Variants in MUC4 observed in about 807,000 individuals in gnomAD.
The protein encoded by MUC4 is mucin-4.
A neutral mutation model predicts 257.9 loss-of-function variants in MUC4; 202 were observed. The observed-to-expected ratio is 0.78, with a 90% CI of 0.70 to 0.88. MUC4 has a LOEUF of 0.88. Among genes scored for constraint, MUC4 ranks in the 40% least tolerant of loss-of-function variants. The pLI, the probability that MUC4 is intolerant of heterozygous loss-of-function variation, is 0.00. For synonymous variants in MUC4, 2,351 were observed against 2,757.1 expected (o/e 0.85, Z 4.62); for missense variants, 5,976 against 6,513.7 (o/e 0.92, Z 2.84).
In MUC4 at chr3:195,789,848, G is replaced by T; in HGVS notation, c.1732C>A (p.Leu578Ile). The change falls in exon 2 of 25, where the codon CTT becomes ATT. Residue 578 changes from leucine to isoleucine, a missense_variant. Around this residue, in one of 44 missense-constraint regions of MUC4, gnomAD observed 1,583 missense variants for 1,257.4 expected, o/e 1.26. Coordinates refer to ENST00000463781, the MANE Select transcript of MUC4 (RefSeq NM_018406.7). ...ACACTGTAGCTTGGGCTGCTGAGAA[G>T]AGCCTCTCCAGTGGTCCCCGTTTCT... The part of the protein sequence containing the change: ...TQETGTTGEA[L>I]LSSPSYSVTQ... 6.2e-7 allele frequency: 1 copy of T among 1,613,882 alleles called. No individual in the cohort carries two copies. Among genetic ancestry groups the T allele is most frequent in the Non-Finnish European group, 8.5e-7 (1 of 1,179,848 alleles).
At chr3:195,776,012 A>G (rs1384441676) in intron 3 of MUC4, among the ~76,000 whole-genome samples, 1 of 43,950 alleles carries the variant, frequency 2.3e-5, no homozygotes, top group Non-Finnish European at 4.0e-5. Flanking sequence ...TTCCACACCC[A>G]TACCTTCCAC....
In MUC4 at chr3:195,789,271, A is replaced by G; in HGVS notation, c.2309T>C (p.Met770Thr). 6.2e-7 allele frequency: 1 copy of G among 1,613,892 alleles called. No individual in the cohort carries two copies. Residue 770 changes from methionine to threonine, a missense_variant, in exon 2 of 25, where the codon ATG becomes ACG. Physicochemically the swap from Met to Thr is moderately conservative, Grantham distance 81. Around this residue, in one of 44 missense-constraint regions of MUC4, gnomAD observed 1,583 missense variants for 1,257.4 expected, o/e 1.26. Transcript: ENST00000463781. ...ASTSPDTAAA[M>T]THTHQAESTE... is the part of the protein sequence containing the mutation. ...GCTCTCAGCCTGGTGGGTATGGGTCATGGCTGCTGCTGTGTCAGGTGAGGT... is the reference window on the plus strand; with the variant it reads ...GCTCTCAGCCTGGTGGGTATGGGTCGTGGCTGCTGCTGTGTCAGGTGAGGT...
At chr3:195,762,553 C>CGGCCCTGCACCGCAACGCACCG (rs1719317937) in intron 13 of MUC4, among the ~76,000 whole-genome samples, 1 of 133,924 alleles carries the variant, frequency 7.5e-6, no homozygotes, top group Non-Finnish European at 1.5e-5. Context: ...GCAACGCACC[C>CGGCCCTGCACCGCAACGCACCG]GGCCCTGCAC....
In MUC4 at chr3:195,782,440, G is replaced by T. The variant is rs571278267; in HGVS notation, c.9140C>A (p.Ser3047Tyr). ...GTTGGCGTGACCTGTGGATGCTGAG[G>T]AAGTGTCGGTGACAGGAAGCGGGGT... ...HATPLPVTDT[S>Y]SASTGHANPL... The change falls in exon 2 of 25, where the codon TCC (serine) becomes TAC (tyrosine). Residue 3047 changes from serine to tyrosine, a missense_variant. Ser to Tyr is a moderately radical substitution (Grantham distance 144). Coordinates refer to ENST00000463781, the MANE Select transcript of MUC4 (RefSeq NM_018406.7). 7.5e-6 allele frequency: 11 copies of T among 1,465,294 alleles called. No individual in the cohort carries two copies. The African/African-American group carries it at 8.0e-5, about 11-fold the overall frequency. The allele number at this position is 1,465,294 out of a possible 1,614,324, so 90.8% of individuals were successfully genotyped here.
chr3:195,766,880 G>A (rs1447688814), intron 7 of MUC4, 129 bp from the exon 8 acceptor site: 1 of 741,006 alleles, frequency 1.3e-6, no homozygotes, highest in Non-Finnish European at 2.3e-6. Flanking sequence ...TGGGTCAGTG[G>A]GTCAGCCAGC....
At chr3:195,751,627 T>G in intron 21 of MUC4, 1 of 308,968 alleles carries the variant, frequency 3.2e-6, no homozygotes, top group South Asian at 5.2e-5. Context: ...TAGGAGATGG[T>G]CGGGGCTGGG....
In MUC4 at chr3:195,788,980, A is replaced by G. The variant is rs1403576544; in HGVS notation, c.2600T>C (p.Ile867Thr). 1.2e-6 allele frequency: 2 copies of G among 1,613,742 alleles called. No individual in the cohort carries two copies. Among genetic ancestry groups the G allele is most frequent in the South Asian group, 1.1e-5 (1 of 91,072 alleles). The change falls in exon 2 of 25, where the codon ATC becomes ACC. Residue 867 changes from isoleucine to threonine, a missense_variant. Transcript: ENST00000463781. ...IPVSTGMASS[I>T]VPGTFHPTLS... ...GGTGGGATGAAAGGTGCCGGGGACG[A>G]TCGAAGACGCCATTCCTGTGCTTAC...
In MUC4 at chr3:195,790,957, T is replaced by C. The variant is rs1001631018; in HGVS notation, c.623A>G (p.Glu208Gly). The C allele has an allele frequency of 5.6e-6, 9 of 1,613,836 alleles. No individual in the cohort carries two copies. The highest frequency in any genetic ancestry group is 7.6e-6 in the Non-Finnish European group (9 of 1,179,898). ...GTGTGTTAGGGTGCTGGTTTGAGAT[T>C]CCCTGGTGGTCTGCGTGCTCCGAGT... ...HWTRSTQTTR[E>G]SQTSTLTHRT... The change falls in exon 2 of 25, where the codon GAA (glutamate) becomes GGA (glycine). Residue 208 changes from glutamate to glycine, a missense_variant. This residue lies in a region of MUC4 where 1,583 missense variants were observed against 1,257.4 expected (regional missense o/e 1.26). Coordinates refer to ENST00000463781, the MANE Select transcript of MUC4 (RefSeq NM_018406.7).
rs369694352 is a variant in MUC4 at position 195,781,807 on chromosome 3, G to T, written c.9773C>A (p.Ser3258Tyr). The change falls in exon 2 of 25, where the codon TCC becomes TAC. Residue 3258 changes from serine (S) to tyrosine (Y), a missense_variant. Coordinates refer to ENST00000463781, the MANE Select transcript of MUC4 (RefSeq NM_018406.7). ...SLPVTDTSSA[S>Y]TGDTTSLPVT... Reference sequence around the variant, plus strand: ...AGGAAGAGAGGTGGTGTCACCTGTGGATGCTGAGGAAGTGTCGGTGACAGG... The same window carrying T: ...AGGAAGAGAGGTGGTGTCACCTGTGTATGCTGAGGAAGTGTCGGTGACAGG... The T allele has an allele frequency of 3.5e-5, 37 of 1,071,566 alleles. 2 individuals are homozygous for T. Among genetic ancestry groups the T allele is most frequent in the African/African-American group, 1.8e-4 (9 of 49,644 alleles). The allele number at this position is 1,071,566 out of a possible 1,614,324, so 66.4% of individuals were successfully genotyped here.
In MUC4 at chr3:195,782,557, G is replaced by A. The variant is rs1211325247; in HGVS notation, c.9023C>T (p.Ser3008Phe). 638 of 1,045,262 alleles carry A rather than the reference G, an allele frequency of 6.1e-4. 30 individuals are homozygous for A. Among genetic ancestry groups the A allele is most frequent in the African/African-American group, 1.6e-3 (87 of 53,138 alleles). The allele number at this position is 1,045,262 out of a possible 1,614,324, so 64.7% of individuals were successfully genotyped here. Residue 3008 changes from serine (S) to phenylalanine (F), a missense_variant, in exon 2 of 25, where the codon TCT becomes TTT. By Grantham distance (155) the Ser-to-Phe change is radical (BLOSUM62 -2). Coordinates refer to ENST00000463781, the MANE Select transcript of MUC4 (RefSeq NM_018406.7). ...TSSASIGHAT[S>F]LPVTDTSSIS... ...TGAGGAAGTGTCGGTGACAGGAAGA[G>A]AGGTGGCGTGACCTATGGATGCTGA... is the stretch of plus-strand genomic sequence containing the variant.
At position 195,783,068 on chromosome 3, in the gene MUC4, G is replaced by C. The variant is rs201843719; in HGVS notation, c.8512C>G (p.Pro2838Ala). The C allele has an allele frequency of 7.9e-5, 61 of 769,204 alleles. 14 individuals are homozygous for C. The highest frequency in any genetic ancestry group is 1.5e-4 in the African/African-American group (6 of 40,164). 47.6% of individuals were successfully genotyped at this position (769,204 alleles called of 1,614,324 possible). A position where few individuals can be genotyped will look rare whatever the true frequency, so the allele number is the denominator to read the frequency against. Residue 2838 changes from proline to alanine, a missense_variant, in exon 2 of 25, where the codon CCT (proline) becomes GCT (alanine). By Grantham distance (27) the Pro-to-Ala change is conservative. Transcript: ENST00000463781. ...GHATSLPVTI[P>A]SSASSGHTTP... ...GTGTGACCTGAGGATGCTGAGGAAG[G>C]GATGGTGACAGGAAGAGAGGTGGCA...
Position 195,764,079 on chromosome 3 carries a change from G to C in MUC4, c.14010C>G (p.His4670Gln). Residue 4670 changes from histidine to glutamine, a missense_variant, in exon 11 of 25, where the codon CAC becomes CAG. Around this residue, in one of 44 missense-constraint regions of MUC4, gnomAD observed 996 missense variants for 1,137.3 expected, o/e 0.88. Transcript: ENST00000463781. ...LCALYQQRRP[H>Q]VGCATYRPPQ... is the part of the protein sequence containing the mutation. ...GGGGCCTGTATGTAGCACAGCCCAC[G>C]TGGGGCCGCCTCTGCTGGTACAGGG... The C allele has an allele frequency of 1.2e-6, 2 of 1,610,026 alleles. No homozygotes were observed. The highest frequency in any genetic ancestry group is 1.7e-6 in the Non-Finnish European group (2 of 1,178,790).
intron 1 of MUC4, among the ~76,000 whole-genome samples, chr3:195,806,291 T>C (rs1282396392): frequency 1.3e-5 from 2 of 152,186 alleles, no homozygotes; most frequent in Admixed American, 1.3e-4. Flanking sequence ...TCCACCTGGC[T>C]GTCCTCAGCC....
At chr3:195,760,441 C>A (rs112192190) in intron 16 of MUC4, among the ~76,000 whole-genome samples, 1 of 111,556 alleles carries the variant, frequency 9.0e-6, no homozygotes, top group Non-Finnish European at 1.9e-5. Context: ...GAGGAGCCTG[C>A]GGGGCTGGAG....
Position 195,747,255 on chromosome 3 carries a change from G to C in MUC4, c.16160C>G (p.Thr5387Arg), listed in dbSNP as rs145449375. The C allele has an allele frequency of 1.2e-6, 2 of 1,614,228 alleles. No individual in the cohort carries two copies. The highest frequency in any genetic ancestry group is 1.7e-5 in the Admixed American group (1 of 60,032). Residue 5387 changes from threonine (T) to arginine (R), a missense_variant, in exon 25 of 25, where the codon ACG (threonine) becomes AGG (arginine). Thr to Arg is a moderately conservative substitution (Grantham distance 71). Transcript: ENST00000463781. ...ACCCCAGAAGCGCAGGACCACGAAC[G>C]TCCCGACCCCCAGCAGCAAGAGGCC... ...LGGLLLLGVG[T>R]FVVLRFWGCS... is the part of the protein sequence containing the mutation.
rs1013696488 is a variant in MUC4, at chr3:195,789,571, G to A, written c.2009C>T (p.Ser670Phe). ...DTKTVTTPGS[S>F]FTASGHSPSE... is the part of the protein sequence containing the mutation. ...GGGCGAGTGCCCACTGGCTGTGAAG[G>A]AAGAACCTGGGGTGGTGACTGTCTT... Residue 670 changes from serine (S) to phenylalanine (F), a missense_variant, in exon 2 of 25, where the codon TCC becomes TTC. Physicochemically the swap from Ser to Phe is radical, Grantham distance 155. This residue lies in a region of MUC4 where 1,583 missense variants were observed against 1,257.4 expected (regional missense o/e 1.26). Transcript: ENST00000463781. 1 of 1,613,960 alleles carries A rather than the reference G, an allele frequency of 6.2e-7. No individual in the cohort carries two copies. The highest frequency in any genetic ancestry group is 8.5e-7 in the Non-Finnish European group (1 of 1,179,876).
chr3:195,764,753 G>A (rs573416482), intron 10 of MUC4, among the ~76,000 whole-genome samples: 2 of 152,242 alleles, frequency 1.3e-5, no homozygotes, highest in South Asian at 2.1e-4. Context: ...TTCTTGCCTG[G>A]AGAAATGGCC....
intron 1 of MUC4, among the ~76,000 whole-genome samples, chr3:195,799,260 T>TGTGTGTGAGTGAGA (rs1553889795): frequency 1.3e-5 from 2 of 149,116 alleles, no homozygotes; most frequent in Non-Finnish European, 3.0e-5. Context: ...TGTGTGTGTG[T>TGTGTGTGAGTGAGA]GACACTGTGT....
At chr3:195,770,165 G>A (rs779526848) in intron 6 of MUC4, 51 bp downstream of exon 6, 2 of 1,478,298 alleles carry the variant, frequency 1.4e-6, no homozygotes, top group Non-Finnish European at 9.0e-7. Flanking sequence ...TAGGATTCTA[G>A]GATGTCTGAC....
Sources: allele counts gnomAD v4.1 joint callset (sites outside exome capture counted in the v4.1 genomes callset), GRCh38; gene constraint gnomAD v4.1.1; regional missense constraint gnomAD v4.1.1; transcripts MANE v1.5; gene names NCBI Gene and HGNC (gene_info 2026-07-23, HGNC 2026-07-21).